The following ENPP2 variants were observed in gnomAD, a reference collection of about 807,000 sequenced individuals.
ENPP2 encodes the protein ectonucleotide pyrophosphatase/phosphodiesterase 2, also known as autotaxin.
ENPP2 carries 51 observed loss-of-function variants against 120.2 expected under a neutral mutation model. The observed-to-expected ratio is 0.42, with a 90% CI of 0.34 to 0.54. The LOEUF is 0.54. Ranked by LOEUF, ENPP2 falls within the 20% of genes least tolerant of loss-of-function variation. The pLI is 0.04. For missense variants in ENPP2, 920 were observed against 1,066.5 expected (o/e 0.86, Z 1.91); for synonymous variants, 365 against 366.4 (o/e 1.00, Z 0.04).
At chr8:119,566,663 A>G (rs1211334155) in intron 22 of ENPP2, among the ~76,000 whole-genome samples, 2 of 152,208 alleles carry the variant, frequency 1.3e-5, no homozygotes, top group Non-Finnish European at 2.9e-5. Context: ...CAAGCTCTCT[A>G]TGAAAGGCCT....
chr8:119,662,350 A>G (rs900035417), intron 1 of ENPP2, among the ~76,000 whole-genome samples: 1 of 152,222 alleles, frequency 6.6e-6, no homozygotes, highest in Non-Finnish European at 1.5e-5. Context: ...AGTAAATTGC[A>G]TAGATATATA....
rs547371219 is a variant in ENPP2, at chr8:119,564,870, G to T, written c.2217C>A (p.Phe739Leu). The change falls in exon 23 of 25, where the codon TTC becomes TTA. Residue 739 changes from phenylalanine (F) to leucine (L), a missense_variant. Transcript: ENST00000075322. Reference protein sequence around the residue: ...NGVNVISGPIFDYDYDGLHDT... With the variant: ...NGVNVISGPILDYDYDGLHDT... ...CATGTAAGCCATCATAGTCATAGTC[G>T]AAGATTGGTCCACTTATCACGTTAA... is the stretch of plus-strand genomic sequence containing the variant. The T allele has an allele frequency of 2.5e-6, 4 of 1,613,118 alleles. No individual in the cohort carries two copies. The highest frequency in any genetic ancestry group is 2.5e-6 in the Non-Finnish European group (3 of 1,179,302).
At chr8:119,668,937 T>C (rs1318046747) in intron 1 of ENPP2, among the ~76,000 whole-genome samples, 2 of 152,210 alleles carry the variant, frequency 1.3e-5, no homozygotes, top group Non-Finnish European at 2.9e-5. Context: ...CATACACACA[T>C]ACCTAGTAAT....
chr8:119,568,306 T>TAA (rs5894486), intron 21 of ENPP2, 54 bp from the exon 22 acceptor site: 21,946 of 678,696 alleles, frequency 0.032, 738 homozygotes, highest in African/African-American at 0.18. Flanking sequence ...CTATATCAGT[T>TAA]AAAAAAAAAA....
chr8:119,570,397 A>G (rs965255008), intron 20 of ENPP2, among the ~76,000 whole-genome samples: 9 of 152,160 alleles, frequency 5.9e-5, no homozygotes, highest in African/African-American at 2.2e-4. Context: ...CTTAAAATAT[A>G]AAGTCTATTA....
At chr8:119,609,737 C>A (rs972197128) in intron 8 of ENPP2, among the ~76,000 whole-genome samples, 1 of 152,164 alleles carries the variant, frequency 6.6e-6, no homozygotes, top group African/African-American at 2.4e-5. Flanking sequence ...TGCTTATACA[C>A]AATCTTAGCA....
intron 24 of ENPP2, among the ~76,000 whole-genome samples, chr8:119,559,945 G>T (rs1419388486): frequency 6.6e-6 from 1 of 152,182 alleles, no homozygotes; most frequent in African/African-American, 2.4e-5. Flanking sequence ...TCTACAAGAA[G>T]TGCCTCCAGA....
intron 2 of ENPP2, among the ~76,000 whole-genome samples, chr8:119,629,590 C>T (rs758574297): frequency 6.6e-6 from 1 of 152,182 alleles, no homozygotes; most frequent in Non-Finnish European, 1.5e-5. Flanking sequence ...TTTACCAGAT[C>T]ATGAGATGTG....
chr8:119,584,343 C>A (rs977820864), intron 15 of ENPP2, among the ~76,000 whole-genome samples: 1 of 152,122 alleles, frequency 6.6e-6, no homozygotes, highest in African/African-American at 2.4e-5. Context: ...CTCTGCCTGT[C>A]TAGGTGCTTC....
At chr8:119,612,345 T>C (rs903579105) in intron 8 of ENPP2, among the ~76,000 whole-genome samples, 2 of 152,018 alleles carry the variant, frequency 1.3e-5, no homozygotes, top group African/African-American at 4.8e-5. Context: ...ATATTGTCTC[T>C]TTATCAGGAC....
chr8:119,644,625 T>TATATATATATATATATAC (rs1327738777), intron 1 of ENPP2, among the ~76,000 whole-genome samples: 8 of 74,306 alleles, frequency 1.1e-4, no homozygotes, highest in African/African-American at 1.5e-4. Flanking sequence ...TATATATATA[T>TATATATATATATATATAC]ACACACACAC....
rs964937501 is a variant in ENPP2, at chr8:119,611,616, C to T, written c.778-3639G>A. Among the ~76,000 whole-genome samples, 12 of 152,228 alleles carry T rather than the reference C, an allele frequency of 7.9e-5. No homozygotes were observed. In the East Asian group the frequency reaches 9.7e-4, roughly 12 times the overall value. ...GAAGGAAACAAAGAACAGTTCCATCCGAAACACAATAGCGGAGCCAGGCTC... is the reference window on the plus strand; with the variant it reads ...GAAGGAAACAAAGAACAGTTCCATCTGAAACACAATAGCGGAGCCAGGCTC... On this transcript the variant is annotated intron_variant, in intron 8 of 24. Transcript: ENST00000075322.
upstream of ENPP2, among the ~76,000 whole-genome samples, chr8:119,640,094 T>C (rs112822117): frequency 1.5e-3 from 231 of 152,168 alleles, no homozygotes; most frequent in African/African-American, 5.3e-3. Context: ...TTATAGGGGG[T>C]TGTACAGTAG....
intron 11 of ENPP2, among the ~76,000 whole-genome samples, chr8:119,599,675 T>C (rs1420895133): frequency 6.6e-6 from 1 of 152,198 alleles, no homozygotes; most frequent in Non-Finnish European, 1.5e-5. Flanking sequence ...ACCTCACAGA[T>C]TGTCTTCCAC....
At chr8:119,662,085 CAGG>C (rs1463344543) in intron 1 of ENPP2, among the ~76,000 whole-genome samples, 1 of 152,046 alleles carries the variant, frequency 6.6e-6, no homozygotes, top group African/African-American at 2.4e-5. Flanking sequence ...CTTATTCCTC[CAGG>C]AGGACTAGGT....
At chr8:119,621,927 T>TTTA (rs1563743803) in intron 3 of ENPP2, among the ~76,000 whole-genome samples, 1 of 152,110 alleles carries the variant, frequency 6.6e-6, no homozygotes, top group Non-Finnish European at 1.5e-5. Flanking sequence ...TTTATTTTTA[T>TTTA]TTTATTTATT....
rs1206226802 is a variant in ENPP2 at position 119,582,564 on chromosome 8, G to A, written c.1582C>T (p.His528Tyr). 6.2e-7 allele frequency: 1 copy of A among 1,613,664 alleles called. No homozygotes were observed. Among genetic ancestry groups the A allele is most frequent in the Admixed American group, 1.7e-5 (1 of 60,012 alleles). Residue 528 changes from histidine to tyrosine, a missense_variant, in exon 18 of 25, where the codon CAT (histidine) becomes TAT (tyrosine). By Grantham distance (83) the His-to-Tyr change is moderately conservative (BLOSUM62 2). Coordinates refer to ENST00000075322, the MANE Select transcript of ENPP2 (RefSeq NM_001040092.3). ...GLKPAPNNGT[H>Y]GSLNHLLRTN... ...CGCAGGAGATGATTCAAACTTCCAT[G>A]GGTCCCATTATTAGGAGCTGGCTTC...
At chr8:119,667,553 T>G (rs1818109326) in intron 1 of ENPP2, among the ~76,000 whole-genome samples, 1 of 152,222 alleles carries the variant, frequency 6.6e-6, no homozygotes, top group African/African-American at 2.4e-5. Flanking sequence ...GTACCCATCT[T>G]TCCTAGAGCA....
intron 12 of ENPP2, 147 bp downstream of exon 12, chr8:119,593,605 A>G (rs1036441369): frequency 1.6e-6 from 1 of 608,800 alleles, no homozygotes; most frequent in Non-Finnish European, 2.9e-6. Context: ...CTTTTCAATC[A>G]TGGCCTGATT....
Sources: allele counts gnomAD v4.1 joint callset (sites outside exome capture counted in the v4.1 genomes callset), GRCh38; gene constraint gnomAD v4.1.1; transcripts MANE v1.5; gene names NCBI Gene and HGNC (gene_info 2026-07-23, HGNC 2026-07-21).